LDB2: variants seen among roughly 807,000 people sequenced by gnomAD.
LDB2 encodes the protein LIM domain binding 2.
Under a neutral mutation model 44.3 loss-of-function variants are expected in LDB2, and 12 were observed. That is an observed-to-expected ratio of 0.27 (90% CI 0.17 to 0.44). LDB2 has a LOEUF of 0.44. Ranked by LOEUF, LDB2 falls within the 20% of genes least tolerant of loss-of-function variation. The pLI is 1.00. For missense variants in LDB2, 344 were observed against 473.5 expected (o/e 0.73, Z 2.54); for synonymous variants, 164 against 174.8 (o/e 0.94, Z 0.49).
intron 1 of LDB2, among the ~76,000 whole-genome samples, chr4:16,883,467 A>T (rs1443348232): frequency 6.6e-6 from 1 of 152,240 alleles, no homozygotes; most frequent in African/African-American, 2.4e-5. Flanking sequence ...ATGGGCCTGC[A>T]ATGGGGCATG....
At chr4:16,864,173 G>A (rs1478926005) in intron 1 of LDB2, among the ~76,000 whole-genome samples, 1 of 151,842 alleles carries the variant, frequency 6.6e-6, no homozygotes, top group Non-Finnish European at 1.5e-5. Context: ...TTAAGGCACT[G>A]AGATTCAACA....
intron 1 of LDB2, among the ~76,000 whole-genome samples, chr4:16,845,521 G>T (rs1353101751): frequency 6.6e-6 from 1 of 152,162 alleles, no homozygotes; most frequent in Non-Finnish European, 1.5e-5. Context: ...TGTTATGGTT[G>T]CTAATACTAT....
chr4:16,812,155 C>T (rs545159278), intron 1 of LDB2, among the ~76,000 whole-genome samples: 93 of 152,230 alleles, frequency 6.1e-4, no homozygotes, highest in African/African-American at 2.1e-3. Context: ...CATAGAGCTT[C>T]GGCATCTGGA....
At chr4:16,591,522 T>A (rs1041410761) in intron 3 of LDB2, among the ~76,000 whole-genome samples, 1 of 152,150 alleles carries the variant, frequency 6.6e-6, no homozygotes, top group Admixed American at 6.5e-5. Flanking sequence ...ATGTTTTCTT[T>A]AAGGAAAAAT....
At chr4:16,837,374 T>C (rs966343410) in intron 1 of LDB2, among the ~76,000 whole-genome samples, 2 of 152,192 alleles carry the variant, frequency 1.3e-5, no homozygotes, top group Admixed American at 6.5e-5. Context: ...TAATAACTTA[T>C]TATTTAGGTC....
chr4:16,749,864 T>C (rs1332868352), intron 2 of LDB2, among the ~76,000 whole-genome samples: 2 of 152,128 alleles, frequency 1.3e-5, no homozygotes, highest in East Asian at 1.9e-4. Context: ...TGGTAGAGCG[T>C]TTTCTCTCAT....
chr4:16,685,386 GTTTTGTT>G (rs2152572588), intron 2 of LDB2, among the ~76,000 whole-genome samples: 1 of 151,952 alleles, frequency 6.6e-6, no homozygotes, highest in East Asian at 1.9e-4. Flanking sequence ...TTTTTGTTTT[GTTTTGTT>G]TTTTGTTTTT....
chr4:16,745,087 T>C (rs1378062855), intron 2 of LDB2, among the ~76,000 whole-genome samples: 1 of 152,094 alleles, frequency 6.6e-6, no homozygotes, highest in Non-Finnish European at 1.5e-5. Flanking sequence ...CAGGACAGGG[T>C]CGTGATTTGA....
chr4:16,820,397 G>GGAAGACAAGGGAGGAACAA (rs1463182890), intron 1 of LDB2, among the ~76,000 whole-genome samples: 1 of 152,132 alleles, frequency 6.6e-6, no homozygotes. Flanking sequence ...TAGCTGAGGG[G>GGAAGACAAGGGAGGAACAA]GAAGACAAGG....
At chr4:16,640,395 T>C (rs1282161728) in intron 2 of LDB2, among the ~76,000 whole-genome samples, 1 of 152,242 alleles carries the variant, frequency 6.6e-6, no homozygotes, top group Non-Finnish European at 1.5e-5. Flanking sequence ...ATGAAGGACC[T>C]TCTAAGTTGC....
In LDB2 at chr4:16,535,821, A is replaced by G. The variant is rs898185723; in HGVS notation, c.616-23717T>C. Among the ~76,000 whole-genome samples the G allele has an allele frequency of 4.6e-5, 7 of 152,336 alleles. No individual in the cohort carries two copies. The East Asian group carries it at 1.3e-3, about 29-fold the overall frequency. ...TTATTATCACCATATGTAAACAAAG[A>G]TACCGATGTGTAGAAAGCTTAGATG... On this transcript the variant is annotated intron_variant, in intron 5 of 7. Coordinates refer to ENST00000304523, the MANE Select transcript of LDB2 (RefSeq NM_001290.5).
At chr4:16,695,860 A>G (rs545806578) in intron 2 of LDB2, among the ~76,000 whole-genome samples, 80 of 152,304 alleles carry the variant, frequency 5.3e-4, no homozygotes, top group African/African-American at 1.9e-3. Context: ...TGTAAACATC[A>G]TTCTTAGCCT....
chr4:16,665,387 T>C (rs1742796271), intron 2 of LDB2, among the ~76,000 whole-genome samples: 1 of 151,706 alleles, frequency 6.6e-6, no homozygotes, highest in Admixed American at 6.6e-5. Flanking sequence ...TGCCTCAGCC[T>C]CCTGAGTAAT....
At chr4:16,580,962 C>T (rs1296159726) in intron 5 of LDB2, among the ~76,000 whole-genome samples, 1 of 152,170 alleles carries the variant, frequency 6.6e-6, no homozygotes, top group East Asian at 1.9e-4. Flanking sequence ...ATACAGTAAA[C>T]ATTCACATGC....
intron 1 of LDB2, among the ~76,000 whole-genome samples, chr4:16,776,525 G>A (rs1771941882): frequency 6.6e-6 from 1 of 152,190 alleles, no homozygotes; most frequent in Non-Finnish European, 1.5e-5. Context: ...TGATGGAATG[G>A]GGGTAGTTAC....
chr4:16,520,634 T>C (rs998280463), intron 5 of LDB2, among the ~76,000 whole-genome samples: 3 of 152,174 alleles, frequency 2.0e-5, no homozygotes, highest in African/African-American at 4.8e-5. Context: ...GTCCCTCCGT[T>C]CTCAGGCAGA....
chr4:16,597,298 G>A (rs1474465993), intron 2 of LDB2, among the ~76,000 whole-genome samples: 8 of 152,050 alleles, frequency 5.3e-5, no homozygotes, highest in Non-Finnish European at 8.8e-5. Context: ...CAGTCAACAA[G>A]TGTCTGCTAA....
chr4:16,754,768 G>T (rs909290638), intron 2 of LDB2, among the ~76,000 whole-genome samples: 2 of 152,156 alleles, frequency 1.3e-5, no homozygotes, highest in Admixed American at 1.3e-4. Context: ...CTGACCTCAG[G>T]TGATTCACCT....
intron 7 of LDB2, chr4:16,505,839 C>G: frequency 6.5e-7 from 1 of 1,545,574 alleles, no homozygotes; most frequent in South Asian, 1.2e-5. Context: ...AGACCACCAA[C>G]CTCTGAGGAG....
Sources: allele counts gnomAD v4.1 joint callset (sites outside exome capture counted in the v4.1 genomes callset), GRCh38; gene constraint gnomAD v4.1.1; transcripts MANE v1.5; gene names NCBI Gene and HGNC (gene_info 2026-07-23, HGNC 2026-07-21).